SRPX: variants seen among roughly 807,000 people sequenced by gnomAD.
The protein encoded by SRPX is sushi repeat containing protein X-linked.
A neutral mutation model predicts 38.1 loss-of-function variants in SRPX; 24 were observed. That is an observed-to-expected ratio of 0.63 (90% CI 0.46 to 0.89). The LOEUF (loss-of-function observed/expected upper bound fraction) is 0.89, where lower values mean the gene tolerates loss of function less well. SRPX is among the 40% of genes least tolerant of loss of function. The pLI is 0.00. For synonymous variants in SRPX, 184 were observed against 153.8 expected, an observed-to-expected ratio of 1.20 and a Z score of -1.45; for missense variants, 416 against 377.8, an observed-to-expected ratio of 1.10 and a Z score of -0.84.
At chrX:38,211,187 T>TG (rs1939313949) in intron 1 of SRPX, among the ~76,000 whole-genome samples, 1 of 112,408 alleles carries the variant, frequency 8.9e-6, no homozygotes, top group Admixed American at 9.4e-5. Flanking sequence ...TTCTTTTGAT[T>TG]TTTTTTCAAT....
rs191868488 is a variant in SRPX at position 38,182,648 on chromosome X, G to A, written c.98-4304C>T. On this transcript the variant is annotated intron_variant, in intron 1 of 9. Transcript: ENST00000378533. ...GTAAAATGAAGTCTGCTTAGGGGCA[G>A]GGGGAGGGAGCTTATGGGAAAGATT... 4.4e-3 allele frequency among the ~76,000 whole-genome samples: 497 copies of A among 112,060 alleles called. 1 individual carries two copies. Among genetic ancestry groups the A allele is most frequent in the African/African-American group, 0.015 (476 of 30,865 alleles).
At chrX:38,153,384 T>C (rs921090328) in intron 9 of SRPX, among the ~76,000 whole-genome samples, 1 of 99,356 alleles carries the variant, frequency 1.0e-5, no homozygotes, top group Non-Finnish European at 2.0e-5. Flanking sequence ...AAATCAAACA[T>C]GGGATGGGTC....
At chrX:38,215,974 A>G (rs770172172) in intron 1 of SRPX, among the ~76,000 whole-genome samples, 1 of 112,270 alleles carries the variant, frequency 8.9e-6, no homozygotes, top group Non-Finnish European at 1.9e-5. Context: ...CTGCCCATTA[A>G]GTGCATATTT....
intron 1 of SRPX, among the ~76,000 whole-genome samples, chrX:38,215,535 G>A (rs755447512): frequency 8.9e-6 from 1 of 112,165 alleles, no homozygotes; most frequent in African/African-American, 3.2e-5. Flanking sequence ...AAGAGCCTTC[G>A]CAATTAACTA....
Position 38,149,487 on chromosome X carries a change from A to C in SRPX, c.*224T>G. ...CTACAAAATCAAGCAGCCATGATGG[A>C]GTAAAGAAAGTTAGAAAGAGTAAAT... On this transcript the variant is annotated 3_prime_UTR_variant, in exon 10 of 10. Transcript: ENST00000378533. The C allele has an allele frequency of 3.0e-6, 1 of 330,849 alleles. No individual in the cohort carries two copies. The highest frequency in any genetic ancestry group is 5.2e-6 in the Non-Finnish European group (1 of 193,965). The allele number at this position is 330,849 out of a possible 1,213,427, so 27.3% of individuals were successfully genotyped here. A position where few individuals can be genotyped will look rare whatever the true frequency, so the allele number is the denominator to read the frequency against.
intron 2 of SRPX, 33 bp downstream of exon 2, chrX:38,178,252 A>T (rs1938602903): frequency 8.7e-7 from 1 of 1,155,934 alleles, no homozygotes; most frequent in East Asian, 3.0e-5. Flanking sequence ...TGGCACCAGC[A>T]GGTCCTCATT....
At position 38,156,955 on chromosome X, in the gene SRPX, T is replaced by C. The variant is rs772487403; in HGVS notation, c.1030A>G (p.Ile344Val). 2.3e-5 allele frequency: 28 copies of C among 1,209,633 alleles called. No individual in the cohort carries two copies. In the Admixed American group the frequency reaches 5.0e-4, roughly 22 times the overall value. ...DQFYEKRRLL[I>V]VSTPTARNLL... ...TTTCGGGCTGTGGGTGTGGACACAA[T>C]GAGGAGTCTCCTTTTCTCATAAAAC... is the stretch of plus-strand genomic sequence containing the variant. The change falls in exon 8 of 10, where the codon ATT becomes GTT. Residue 344 changes from isoleucine (I) to valine (V), a missense_variant. Physicochemically the swap from Ile to Val is conservative, Grantham distance 29. Transcript: ENST00000378533.
chrX:38,166,913 G>T (rs748368260), intron 4 of SRPX, among the ~76,000 whole-genome samples: 2 of 111,840 alleles, frequency 1.8e-5, no homozygotes, highest in African/African-American at 6.5e-5. Flanking sequence ...TTATCTGGGT[G>T]AAGAGTCTCA....
In SRPX at chrX:38,157,762, G is replaced by T. The variant is rs138785779; in HGVS notation, c.956-733C>A. 3.3e-3 allele frequency among the ~76,000 whole-genome samples: 371 copies of T among 112,075 alleles called. 1 individual carries two copies. Among genetic ancestry groups the T allele is most frequent in the African/African-American group, 0.01 (312 of 30,863 alleles). The stretch of plus-strand genomic sequence containing the variant: ...TGAAGGAAAGAAAACAATACCAATT[G>T]GTTATCAAGCAAGTTTTTGCTGTGG... On this transcript the variant is annotated intron_variant, in intron 7 of 9. Coordinates refer to ENST00000378533, the MANE Select transcript of SRPX (RefSeq NM_006307.5).
chrX:38,218,367 CACAA>C (rs1939453139), intron 1 of SRPX, among the ~76,000 whole-genome samples: 1 of 112,496 alleles, frequency 8.9e-6, no homozygotes, highest in Non-Finnish European at 1.9e-5. Context: ...CACAGTCAAA[CACAA>C]ACAACTTTTC....
chrX:38,207,501 G>T (rs2147124982), intron 1 of SRPX, among the ~76,000 whole-genome samples: 1 of 112,311 alleles, frequency 8.9e-6, no homozygotes, highest in South Asian at 3.7e-4. Flanking sequence ...CCAGACAGTG[G>T]AACAAAAGCA....
chrX:38,215,302 C>T (rs1449431320), intron 1 of SRPX, among the ~76,000 whole-genome samples: 3 of 111,632 alleles, frequency 2.7e-5, no homozygotes, highest in Non-Finnish European at 3.8e-5. Flanking sequence ...TCATTCAGCT[C>T]GGGAATGAGT....
intron 1 of SRPX, among the ~76,000 whole-genome samples, chrX:38,219,213 G>A (rs1175572587): frequency 9.0e-6 from 1 of 110,526 alleles, no homozygotes; most frequent in Non-Finnish European, 1.9e-5. Context: ...GAGGGAGGTC[G>A]GATGGAAAAG....
At position 38,174,236 on chromosome X, in the gene SRPX, C is replaced by T. The variant is rs2147781250; in HGVS notation, c.273G>A (p.Lys91=). The T allele has an allele frequency of 8.6e-7, 1 of 1,164,936 alleles. No homozygotes were observed. The highest frequency in any genetic ancestry group is 1.1e-6 in the Non-Finnish European group (1 of 873,450). Residue 91 remains lysine, a synonymous_variant, in exon 3 of 10, where the codon AAG becomes AAA. Transcript: ENST00000378533. The part of the protein sequence containing the change: ...LGTRCDIRCQ[K]GYELHGSSLL... ...GGGAAGAGCCATGCAGCTCGTAGCC[C>T]TTCTGGCAGCGAATGTCGCACCTGG...
Position 38,149,864 on chromosome X carries a change from G to A in SRPX, c.1242C>T (p.Phe414=). 8.3e-7 allele frequency: 1 copy of A among 1,208,063 alleles called. No homozygotes were observed. Among genetic ancestry groups the A allele is most frequent in the Non-Finnish European group, 1.1e-6 (1 of 894,131 alleles). Residue 414 remains phenylalanine (F), a synonymous_variant, in exon 10 of 10, where the codon TTC becomes TTT. Coordinates refer to ENST00000378533, the MANE Select transcript of SRPX (RefSeq NM_006307.5). ...CATGCTTATCCACTAGCACCATACT[G>A]AAGGAGTAGAGTGGGATTCGCAGCA... ...RLLLRIPLYS[F]SMVLVDKHGM...
At chrX:38,192,186 G>A (rs1229558169) in intron 1 of SRPX, among the ~76,000 whole-genome samples, 3 of 112,156 alleles carry the variant, frequency 2.7e-5, no homozygotes, top group Non-Finnish European at 5.6e-5. Flanking sequence ...GGGGAGTCAT[G>A]TGGCCTCTCA....
Position 38,220,726 on chromosome X carries a change from G to T in SRPX, c.67C>A (p.Leu23Met). 1 of 881,605 alleles carries T rather than the reference G, an allele frequency of 1.1e-6. No individual in the cohort carries two copies. Among genetic ancestry groups the T allele is most frequent in the Non-Finnish European group, 1.6e-6 (1 of 643,366 alleles). 72.7% of individuals were successfully genotyped at this position (881,605 alleles called of 1,213,427 possible). The change falls in exon 1 of 10, where the codon CTG (leucine) becomes ATG (methionine). Residue 23 changes from leucine to methionine, a missense_variant. Coordinates refer to ENST00000378533, the MANE Select transcript of SRPX (RefSeq NM_006307.5). ...AAGCTGCGGCTGGGCGGGACGCGCA[G>T]CAGCAGCAGCAGCAGCAGAGGCGGC... ...LLPPLLLLLLLRVPPSRSFPG... is the reference protein window; with the variant it reads ...LLPPLLLLLLMRVPPSRSFPG...
chrX:38,219,733 C>T (rs1029515777), intron 1 of SRPX, among the ~76,000 whole-genome samples: 1 of 111,744 alleles, frequency 8.9e-6, no homozygotes, highest in African/African-American at 3.3e-5. Context: ...ATTTAAGCTG[C>T]CCACGGTGTT....
At chrX:38,153,302 C>CTTTTTTTT (rs58888978) in intron 9 of SRPX, among the ~76,000 whole-genome samples, 142 of 54,659 alleles carry the variant, frequency 2.6e-3, no homozygotes, top group Middle Eastern at 0.015. Context: ...TTCTTTCTTT[C>CTTTTTTTT]TTTTTTTTTT....
Sources: gnomAD v4.1 joint callset for allele counts (sites outside exome capture counted in the v4.1 genomes callset) on GRCh38, gnomAD v4.1.1 for gene constraint, MANE v1.5 for transcripts, NCBI Gene and HGNC (gene_info 2026-07-23, HGNC 2026-07-21) for gene names.